Variants in CENPE observed in about 807,000 individuals in gnomAD.
CENPE encodes centromere protein E, also known as centromere-associated protein E.
In CENPE, 145 loss-of-function variants were observed where a neutral mutation model predicts 336.1. That is an observed-to-expected ratio of 0.43 (90% CI 0.38 to 0.50). The LOEUF (loss-of-function observed/expected upper bound fraction) is 0.50. Ranked by LOEUF, CENPE falls within the 20% of genes least tolerant of loss-of-function variation. CENPE has a pLI of 0.00. For synonymous variants in CENPE, 1,013 were observed against 984.8 expected (o/e 1.03, Z -0.54); for missense variants, 2,719 against 3,023.3 (o/e 0.90, Z 2.36).
chr4:103,155,379 G>A (rs1211880362), intron 24 of CENPE, among the ~76,000 whole-genome samples: 3 of 151,826 alleles, frequency 2.0e-5, no homozygotes, highest in African/African-American at 7.3e-5. Flanking sequence ...GCATGATCTG[G>A]GCTCACTGCA....
intron 18 of CENPE, among the ~76,000 whole-genome samples, chr4:103,161,894 AAG>A (rs1354619008): frequency 1.6e-4 from 24 of 152,290 alleles, no homozygotes; most frequent in African/African-American, 5.8e-4. Context: ...TGATATGAAC[AAG>A]AAACTTACAG....
At chr4:103,195,012 T>C (rs2126059345) in intron 5 of CENPE, 102 bp downstream of exon 5, 7 of 1,045,910 alleles carry the variant, frequency 6.7e-6, no homozygotes, top group Non-Finnish European at 9.4e-6. Flanking sequence ...ACTATAGAAA[T>C]AGGAGACACT....
chr4:103,125,471 C>T (rs533004606), intron 42 of CENPE, among the ~76,000 whole-genome samples: 137 of 152,140 alleles, frequency 9.0e-4, no homozygotes, highest in Non-Finnish European at 1.4e-3. Flanking sequence ...AATGTTGGTC[C>T]TTATGACTCA....
intron 45 of CENPE, 171 bp downstream of exon 45, chr4:103,116,406 T>G (rs1356562673): frequency 2.4e-6 from 1 of 413,286 alleles, no homozygotes; most frequent in Non-Finnish European, 4.3e-6. Flanking sequence ...ACTTTGCATA[T>G]GTAATGAGAC....
At chr4:103,136,494 A>G in intron 39 of CENPE, 135 bp from the exon 40 acceptor site, 1 of 536,314 alleles carries the variant, frequency 1.9e-6, no homozygotes, top group Admixed American at 3.9e-5. Flanking sequence ...CTTTGTGTCT[A>G]AAAACAAAAG....
intron 23 of CENPE, 46 bp from the exon 24 acceptor site, chr4:103,158,504 A>G: frequency 6.6e-7 from 1 of 1,513,490 alleles, no homozygotes; most frequent in African/African-American, 1.4e-5. Context: ...AATATGAAAC[A>G]AAATTATTTT....
chr4:103,161,276 C>A (rs370442483), intron 19 of CENPE, 25 bp from the exon 20 acceptor site: 2 of 1,600,336 alleles, frequency 1.2e-6, no homozygotes, highest in Non-Finnish European at 1.7e-6. Context: ...ATTGCAAATG[C>A]ACAAAAATAC....
At chr4:103,150,642 G>A (rs982023945) in intron 26 of CENPE, among the ~76,000 whole-genome samples, 9 of 151,874 alleles carry the variant, frequency 5.9e-5, no homozygotes, top group South Asian at 2.1e-4. Context: ...TAACAGAACC[G>A]TACTATATTA....
chr4:103,147,269 T>G, intron 29 of CENPE, 87 bp downstream of exon 29: 1 of 1,176,074 alleles, frequency 8.5e-7, no homozygotes, highest in Non-Finnish European at 1.2e-6. Context: ...AACATAATTA[T>G]AATACAAACA....
At position 103,159,301 on chromosome 4, in the gene CENPE, G is replaced by A. The variant is rs267599970; in HGVS notation, c.2310C>T (p.Leu770=). The A allele has an allele frequency of 6.5e-7, 1 of 1,526,898 alleles. No individual in the cohort carries two copies. The highest frequency in any genetic ancestry group is 8.8e-7 in the Non-Finnish European group (1 of 1,137,240). The allele number at this position is 1,526,898 out of a possible 1,614,324, so 94.6% of individuals were successfully genotyped here. ...TATCTTTTTCTGATGTTATTATATG[G>A]AGCTCTTCAGATTTGTCTTGTATCT... ...RKEIQDKSEE[L]HIITSEKDKL... Residue 770 remains leucine, a synonymous_variant, in exon 22 of 49, where the codon CTC becomes CTT. Transcript: ENST00000265148.
chr4:103,113,487 T>C (rs996402148), intron 46 of CENPE, among the ~76,000 whole-genome samples: 2 of 141,290 alleles, frequency 1.4e-5, no homozygotes, highest in South Asian at 4.3e-4. Context: ...ATATATTACT[T>C]ATATATGTTA....
chr4:103,133,612 T>A, intron 41 of CENPE, 83 bp downstream of exon 41: 1 of 890,526 alleles, frequency 1.1e-6, no homozygotes, highest in Non-Finnish European at 1.7e-6. Context: ...TAAATGAAAA[T>A]AGCTCTAAGC....
chr4:103,137,086 A>C (rs1752130074), intron 39 of CENPE, among the ~76,000 whole-genome samples: 1 of 152,116 alleles, frequency 6.6e-6, no homozygotes, highest in Non-Finnish European at 1.5e-5. Context: ...ATGTTTCTAT[A>C]CCCAAGTTTT....
rs1749158556 is a variant in CENPE at position 103,109,068 on chromosome 4, A to G, written c.7746T>C (p.Asn2582=). Residue 2582 remains asparagine, a synonymous_variant, in exon 48 of 49, where the codon AAT becomes AAC. Transcript: ENST00000265148. ...ELLSNNQHLS[N]EVKTWKERTL... ...TTCTTTCCTTCCAAGTTTTGACCTC[A>G]TTGGAAAGATGCTGATTATTGCTTA... is the stretch of plus-strand genomic sequence containing the variant. 1 of 1,611,014 alleles carries G rather than the reference A, an allele frequency of 6.2e-7. No individual in the cohort carries two copies. Among genetic ancestry groups the G allele is most frequent in the African/African-American group, 1.3e-5 (1 of 74,610 alleles).
intron 8 of CENPE, among the ~76,000 whole-genome samples, chr4:103,192,857 T>C (rs189554150): frequency 9.9e-4 from 151 of 151,802 alleles, no homozygotes; most frequent in Non-Finnish European, 1.6e-3. Flanking sequence ...ATGGAAATGA[T>C]GACAGAACAT....
Position 103,149,365 on chromosome 4 carries a change from T to C in CENPE, c.3440A>G (p.Gln1147Arg), listed in dbSNP as rs1753353366. Residue 1147 changes from glutamine (Q) to arginine (R), a missense_variant, in exon 27 of 49, where the codon CAA (glutamine) becomes CGA (arginine). Gln to Arg is a conservative substitution (Grantham distance 43). This residue lies in a region of CENPE where 2,437 missense variants were observed against 2,513.3 expected (regional missense o/e 0.97). Coordinates refer to ENST00000265148, the MANE Select transcript of CENPE (RefSeq NM_001813.3). The part of the protein sequence containing the change: ...QEKQQQLLNV[Q>R]EEMSEMQKKI... ...TTTCTGCATCTCACTCATCTCTTCT[T>C]GTACATTAAGAAGTTGTTGCTGTTT... The C allele has an allele frequency of 6.3e-7, 1 of 1,594,494 alleles. No individual in the cohort carries two copies. Among genetic ancestry groups the C allele is most frequent in the Non-Finnish European group, 8.5e-7 (1 of 1,174,908 alleles).
At chr4:103,148,681 G>C (rs1332618508) in intron 28 of CENPE, among the ~76,000 whole-genome samples, 163 bp downstream of exon 28, 2 of 152,164 alleles carry the variant, frequency 1.3e-5, no homozygotes, top group Non-Finnish European at 2.9e-5. Context: ...TGTTCTCATT[G>C]CATTTCTATA....
At chr4:103,178,842 T>C (rs1756098801) in intron 13 of CENPE, among the ~76,000 whole-genome samples, 1 of 152,206 alleles carries the variant, frequency 6.6e-6, no homozygotes, top group Admixed American at 6.5e-5. Context: ...ATTGGAGTTT[T>C]GCCTTCTGTC....
At chr4:103,146,980 C>A (rs1232144573) in intron 29 of CENPE, among the ~76,000 whole-genome samples, 1 of 151,946 alleles carries the variant, frequency 6.6e-6, no homozygotes, top group East Asian at 1.9e-4. Flanking sequence ...GGGATAGCTC[C>A]CAGATTTCTG....
Sources: allele counts gnomAD v4.1 joint callset (sites outside exome capture counted in the v4.1 genomes callset), GRCh38; gene constraint gnomAD v4.1.1; regional missense constraint gnomAD v4.1.1; transcripts MANE v1.5; gene names NCBI Gene and HGNC (gene_info 2026-07-23, HGNC 2026-07-21).